The following PAAF1 variants were observed in gnomAD, a reference collection of about 807,000 sequenced individuals.
The protein encoded by PAAF1 is proteasomal ATPase-associated factor 1.
A neutral mutation model predicts 52.8 loss-of-function variants in PAAF1; 46 were observed. That is an observed-to-expected ratio of 0.87 (90% CI 0.69 to 1.11). The LOEUF is 1.11. Ranked by LOEUF, PAAF1 falls within the 50% of genes most tolerant of loss-of-function variation. The pLI, the probability that PAAF1 is intolerant of heterozygous loss-of-function variation, is 0.00. For missense variants in PAAF1, 424 were observed against 477.4 expected, an observed-to-expected ratio of 0.89 and a Z score of 1.04; for synonymous variants, 178 against 172.8, an observed-to-expected ratio of 1.03 and a Z score of -0.24.
intron 10 of PAAF1, 137 bp from the exon 11 acceptor site, chr11:73,924,478 A>G (rs1950302033): frequency 2.9e-6 from 2 of 689,088 alleles, no homozygotes; most frequent in Admixed American, 5.8e-5. Context: ...CCCACGTAAT[A>G]AGATCTATTT....
Position 73,927,577 on chromosome 11 carries a change from C to G in PAAF1, c.*215C>G. 1 of 586,940 alleles carries G rather than the reference C, an allele frequency of 1.7e-6. No individual in the cohort carries two copies. Among genetic ancestry groups the G allele is most frequent in the Non-Finnish European group, 3.0e-6 (1 of 329,276 alleles). 36.4% of individuals were successfully genotyped at this position (586,940 alleles called of 1,614,324 possible). A position where few individuals can be genotyped will look rare whatever the true frequency, so the allele number is the denominator to read the frequency against. On this transcript the variant is annotated 3_prime_UTR_variant, in exon 12 of 12. Transcript: ENST00000310571. ...GGTCATTGTGCCCACTGCATTTGTT[C>G]CAACTTCTCCTTGTATAAACTCACC...
intron 8 of PAAF1, 43 bp downstream of exon 8, chr11:73,914,547 G>T: frequency 6.5e-7 from 1 of 1,542,724 alleles, no homozygotes; most frequent in South Asian, 1.1e-5. Flanking sequence ...AGGCAACCTG[G>T]GTCACTCTGT....
intron 6 of PAAF1, among the ~76,000 whole-genome samples, chr11:73,908,408 TA>T (rs1217970579): frequency 7.0e-6 from 1 of 142,036 alleles, no homozygotes; most frequent in East Asian, 2.0e-4. Context: ...TGTGTATATA[TA>T]TGTGTGTATA....
intron 4 of PAAF1, among the ~76,000 whole-genome samples, chr11:73,893,619 C>T (rs1247049674): frequency 6.6e-6 from 1 of 151,034 alleles, no homozygotes; most frequent in East Asian, 1.9e-4. Context: ...CACCTATAAT[C>T]CCAGCTACTC....
At chr11:73,921,791 G>T in intron 10 of PAAF1, 2 of 1,197,272 alleles carry the variant, frequency 1.7e-6, no homozygotes, top group Non-Finnish European at 2.4e-6. Context: ...CTTAGATGTT[G>T]TAAATAGGCC....
At chr11:73,902,360 A>C (rs1258625309) in intron 6 of PAAF1, among the ~76,000 whole-genome samples, 1 of 152,176 alleles carries the variant, frequency 6.6e-6, no homozygotes, top group Non-Finnish European at 1.5e-5. Context: ...TGAAGAACTG[A>C]GAGATTGAAG....
chr11:73,881,880 G>A (rs1022212135), intron 2 of PAAF1, among the ~76,000 whole-genome samples: 2 of 150,362 alleles, frequency 1.3e-5, no homozygotes, highest in African/African-American at 4.9e-5. Flanking sequence ...CTAATTTTTT[G>A]TATTTTTTTT....
chr11:73,900,520 A>C (rs1949568544), intron 6 of PAAF1, 100 bp downstream of exon 6: 4 of 1,359,766 alleles, frequency 2.9e-6, no homozygotes, highest in Non-Finnish European at 4.0e-6. Context: ...ATACACAAAT[A>C]ATCCATCCAG....
intron 6 of PAAF1, 141 bp from the exon 7 acceptor site, chr11:73,909,258 G>A: frequency 1.5e-6 from 1 of 645,654 alleles, no homozygotes; most frequent in South Asian, 2.4e-5. Context: ...TGTTTTTCTA[G>A]CACTTGAACA....
chr11:73,895,930 G>C (rs1381613979), intron 4 of PAAF1, among the ~76,000 whole-genome samples: 1 of 152,112 alleles, frequency 6.6e-6, no homozygotes, highest in Non-Finnish European at 1.5e-5. Flanking sequence ...AACATAGGGG[G>C]ACCCCATCTC....
chr11:73,886,024 T>TG (rs199543691), intron 2 of PAAF1, among the ~76,000 whole-genome samples: 4,957 of 152,300 alleles, frequency 0.033, 126 homozygotes, highest in Non-Finnish European at 0.048. Flanking sequence ...CAGTGTGTTA[T>TG]GGGCTGTTAT....
At chr11:73,887,246 C>T in intron 2 of PAAF1, 108 bp from the exon 3 acceptor site, 1 of 713,616 alleles carries the variant, frequency 1.4e-6, no homozygotes, top group Non-Finnish European at 2.2e-6. Context: ...CTTTCGTGGG[C>T]CAATTTCATG....
intron 4 of PAAF1, among the ~76,000 whole-genome samples, chr11:73,895,255 G>T (rs1949314439): frequency 6.6e-6 from 1 of 152,230 alleles, no homozygotes; most frequent in Admixed American, 6.5e-5. Context: ...GGTGAATTGT[G>T]TTCCATTTAC....
intron 2 of PAAF1, among the ~76,000 whole-genome samples, chr11:73,881,015 A>T (rs1433357591): frequency 6.6e-6 from 1 of 152,138 alleles, no homozygotes; most frequent in Non-Finnish European, 1.5e-5. Flanking sequence ...TAAATAAATA[A>T]ATAAAATAAA....
At chr11:73,922,482 C>T (rs950072506) in intron 10 of PAAF1, among the ~76,000 whole-genome samples, 9 of 152,030 alleles carry the variant, frequency 5.9e-5, no homozygotes, top group South Asian at 2.1e-4. Context: ...GCTGTTTGGC[C>T]GCTCTGCCAT....
intron 2 of PAAF1, among the ~76,000 whole-genome samples, chr11:73,885,851 A>AAG (rs1949045620): frequency 6.6e-6 from 1 of 152,020 alleles, no homozygotes; most frequent in African/African-American, 2.4e-5. Context: ...TCAAAAAAAA[A>AAG]AAAAAAAAAA....
At position 73,919,036 on chromosome 11, in the gene PAAF1, G is replaced by A; in HGVS notation, c.1018+4G>A. On this transcript the variant is annotated splice_donor_region_variant and intron_variant, in intron 10 of 11. Coordinates refer to ENST00000310571, the MANE Select transcript of PAAF1 (RefSeq NM_025155.3). ...GATGGATTCATTGCTAGCCAAGGTG[G>A]GTCCATGGGCCAATTGAGAGAGATG... 1 of 1,610,846 alleles carries A rather than the reference G, an allele frequency of 6.2e-7. No homozygotes were observed. The highest frequency in any genetic ancestry group is 8.5e-7 in the Non-Finnish European group (1 of 1,177,940).
chr11:73,889,031 A>T (rs983509932), intron 3 of PAAF1: 1 of 564,804 alleles, frequency 1.8e-6, no homozygotes, highest in Admixed American at 3.1e-5. Context: ...ATTAATCTCA[A>T]ATAATCAAAG....
chr11:73,923,704 T>G (rs532685325), intron 10 of PAAF1, among the ~76,000 whole-genome samples: 1 of 152,214 alleles, frequency 6.6e-6, no homozygotes, highest in South Asian at 2.1e-4. Context: ...CTCGGCTAAT[T>G]TTTTTTGTAT....
Sources: gnomAD v4.1 joint callset for allele counts (sites outside exome capture counted in the v4.1 genomes callset) on GRCh38, gnomAD v4.1.1 for gene constraint, MANE v1.5 for transcripts, NCBI Gene and HGNC (gene_info 2026-07-23, HGNC 2026-07-21) for gene names.